The following COBL variants were observed in gnomAD, a reference collection of about 807,000 sequenced individuals.
COBL encodes the protein protein cordon-bleu.
Under a neutral mutation model 98.8 loss-of-function variants are expected in COBL, and 51 were observed. The observed-to-expected ratio is 0.52, with a 90% confidence interval of 0.41 to 0.65. The LOEUF (loss-of-function observed/expected upper bound fraction) is 0.65, where lower values mean the gene tolerates loss of function less well. COBL is among the 30% of genes least tolerant of loss of function. COBL has a pLI of 0.00. For synonymous variants in COBL, 634 were observed against 651.7 expected, an observed-to-expected ratio of 0.97 and a Z score of 0.41; for missense variants, 1,617 against 1,617.5, an observed-to-expected ratio of 1.00 and a Z score of 0.01.
chr7:51,127,577 T>C (rs1179988194), intron 6 of COBL, among the ~76,000 whole-genome samples: 1 of 152,218 alleles, frequency 6.6e-6, no homozygotes, highest in Non-Finnish European at 1.5e-5. Context: ...TACGGTGGCC[T>C]TGTGTTCAAG....
At chr7:51,251,122 C>A (rs1013770185) in intron 1 of COBL, among the ~76,000 whole-genome samples, 1 of 152,098 alleles carries the variant, frequency 6.6e-6, no homozygotes. Flanking sequence ...AGTAACATCT[C>A]GAGCAGCAAC....
chr7:51,302,348 G>A (rs1584448780), intron 1 of COBL, among the ~76,000 whole-genome samples: 1 of 152,142 alleles, frequency 6.6e-6, no homozygotes, highest in African/African-American at 2.4e-5. Context: ...TTGGAAAGCC[G>A]AGGTGGGTGG....
At chr7:51,117,623 T>C (rs1382448861) in intron 6 of COBL, among the ~76,000 whole-genome samples, 1 of 152,230 alleles carries the variant, frequency 6.6e-6, no homozygotes, top group Non-Finnish European at 1.5e-5. Context: ...TTTCCCATTA[T>C]GTTGTTACCA....
intron 1 of COBL, among the ~76,000 whole-genome samples, chr7:51,226,510 G>A (rs150292712): frequency 1.3e-3 from 166 of 128,422 alleles, no homozygotes; most frequent in African/African-American, 4.0e-3. Flanking sequence ...AAGGAATTCG[G>A]TCACCACTGC....
At chr7:51,024,337 T>A (rs1787282199) in intron 12 of COBL, among the ~76,000 whole-genome samples, 1 of 150,690 alleles carries the variant, frequency 6.6e-6, no homozygotes, top group Admixed American at 6.6e-5. Flanking sequence ...ATAAATAAAA[T>A]AATAAAATAA....
chr7:51,224,960 G>C (rs901476698), intron 1 of COBL, among the ~76,000 whole-genome samples: 16 of 152,196 alleles, frequency 1.1e-4, no homozygotes, highest in African/African-American at 3.6e-4. Flanking sequence ...GGGGCGGCCC[G>C]TGCATGTGGG....
At chr7:51,220,050 C>G in intron 1 of COBL, 106 bp from the exon 2 acceptor site, 1 of 1,005,866 alleles carries the variant, frequency 9.9e-7, no homozygotes, top group Non-Finnish European at 1.4e-6. Flanking sequence ...GAGCACCTTC[C>G]AAGTGCCACG....
chr7:51,270,099 G>T (rs1798618839), intron 1 of COBL, among the ~76,000 whole-genome samples: 1 of 152,186 alleles, frequency 6.6e-6, no homozygotes, highest in South Asian at 2.1e-4. Context: ...CTGTGTTGTT[G>T]CATGAGCACT....
In COBL at chr7:51,177,313, G is replaced by A. The variant is rs532092958; in HGVS notation, c.783+6789C>T. Among the ~76,000 whole-genome samples, 12 of 152,200 alleles carry A rather than the reference G, an allele frequency of 7.9e-5. No individual in the cohort carries two copies. The South Asian group carries it at 1.2e-3, about 16-fold the overall frequency. On this transcript the variant is annotated intron_variant, in intron 5 of 12. Transcript: ENST00000265136. ...AACTCTGTCCTTTTTTCTGGGCTCT[G>A]TATCAAGATACATAATTAAAATTGC... is the stretch of plus-strand genomic sequence containing the variant.
At position 51,026,575 on chromosome 7, in the gene COBL, C is replaced by A; in HGVS notation, c.3475G>T (p.Gly1159Trp). ...CTCAGGCTGCAGGTGCCGCTGTGCC[C>A]GCGGATAGCTGCCAGCAGTGCAGAT... is the stretch of plus-strand genomic sequence containing the variant. Reference protein sequence around the residue: ...ERSALLAAIRGHSGTCSLRKV... With the variant: ...ERSALLAAIRWHSGTCSLRKV... The change falls in exon 11 of 13, where the codon GGG becomes TGG. Residue 1159 changes from glycine (G) to tryptophan (W), a missense_variant. This residue lies in a region of COBL where 1,304 missense variants were observed against 1,282.0 expected (regional missense o/e 1.02). Transcript: ENST00000265136. 2 of 1,614,140 alleles carry A rather than the reference C, an allele frequency of 1.2e-6. No homozygotes were observed. The highest frequency in any genetic ancestry group is 1.7e-6 in the Non-Finnish European group (2 of 1,180,034).
At chr7:51,183,342 T>A (rs1378325730) in intron 5 of COBL, among the ~76,000 whole-genome samples, 2 of 152,236 alleles carry the variant, frequency 1.3e-5, no homozygotes, top group Non-Finnish European at 2.9e-5. Context: ...TACTTATTAG[T>A]AAGGATAAAA....
chr7:51,269,848 C>G (rs1798595936), intron 1 of COBL, among the ~76,000 whole-genome samples: 2 of 152,190 alleles, frequency 1.3e-5, no homozygotes, highest in African/African-American at 4.8e-5. Flanking sequence ...ACAAGAGGTG[C>G]TCTGTCTCCA....
intron 1 of COBL, among the ~76,000 whole-genome samples, chr7:51,286,148 C>T (rs1210563111): frequency 6.6e-6 from 1 of 151,528 alleles, no homozygotes; most frequent in Non-Finnish European, 1.5e-5. Flanking sequence ...GGTATAAAAC[C>T]TTCAGAAGAA....
At chr7:51,141,215 CA>C (rs564004138) in intron 5 of COBL, among the ~76,000 whole-genome samples, 47 of 152,154 alleles carry the variant, frequency 3.1e-4, no homozygotes, top group African/African-American at 1.1e-3. Flanking sequence ...CTCATTTAAT[CA>C]AGTCTACTAA....
At chr7:51,093,222 AACAG>A (rs1334024549) in intron 6 of COBL, among the ~76,000 whole-genome samples, 1 of 152,234 alleles carries the variant, frequency 6.6e-6, no homozygotes, top group Non-Finnish European at 1.5e-5. Context: ...AAAGAATGTG[AACAG>A]ACATTTTGCA....
At chr7:51,233,317 G>A (rs1794939673) in intron 1 of COBL, among the ~76,000 whole-genome samples, 1 of 152,130 alleles carries the variant, frequency 6.6e-6, no homozygotes, top group African/African-American at 2.4e-5. Flanking sequence ...CAAGGGGCAA[G>A]AAAAGTCAAC....
At chr7:51,147,406 C>T (rs1785129558) in intron 5 of COBL, among the ~76,000 whole-genome samples, 1 of 152,214 alleles carries the variant, frequency 6.6e-6, no homozygotes, top group Non-Finnish European at 1.5e-5. Flanking sequence ...CACTCACCAG[C>T]AGTTTTGCCA....
At chr7:51,223,104 T>C (rs1329772374) in intron 1 of COBL, among the ~76,000 whole-genome samples, 1 of 152,236 alleles carries the variant, frequency 6.6e-6, no homozygotes, top group East Asian at 1.9e-4. Context: ...GCGAGGGCTG[T>C]TGTCTTCTCA....
chr7:51,089,110 T>C (rs1339674992), intron 6 of COBL, among the ~76,000 whole-genome samples: 1 of 152,140 alleles, frequency 6.6e-6, no homozygotes, highest in African/African-American at 2.4e-5. Flanking sequence ...CAAACAAACA[T>C]GTGCCCCAAA....
Sources: gnomAD v4.1 joint callset for allele counts (sites outside exome capture counted in the v4.1 genomes callset) on GRCh38, gnomAD v4.1.1 for gene constraint, gnomAD v4.1.1 regional missense constraint, MANE v1.5 for transcripts, NCBI Gene and HGNC (gene_info 2026-07-23, HGNC 2026-07-21) for gene names.